The following CDC42BPA variants were observed in gnomAD, a reference collection of about 807,000 sequenced individuals.
CDC42BPA encodes CDC42 binding protein kinase alpha, also known as serine/threonine-protein kinase MRCK alpha.
A neutral mutation model predicts 223.5 loss-of-function variants in CDC42BPA; 80 were observed. The observed-to-expected ratio is 0.36, with a 90% CI of 0.30 to 0.43. CDC42BPA has a LOEUF of 0.43. Among genes scored for constraint, CDC42BPA ranks in the 20% least tolerant of loss-of-function variants. The pLI is 1.00. For synonymous variants in CDC42BPA, 694 were observed against 718.6 expected, an observed-to-expected ratio of 0.97 and a Z score of 0.55; for missense variants, 1,743 against 2,099.9, an observed-to-expected ratio of 0.83 and a Z score of 3.32.
intron 5 of CDC42BPA, among the ~76,000 whole-genome samples, chr1:227,174,847 C>T (rs1266560014): frequency 6.6e-6 from 1 of 152,148 alleles, no homozygotes; most frequent in Non-Finnish European, 1.5e-5. Context: ...CACGTATATT[C>T]CACTAAGTTT....
chr1:227,094,594 T>A (rs1251361771), intron 15 of CDC42BPA, among the ~76,000 whole-genome samples: 1 of 152,224 alleles, frequency 6.6e-6, no homozygotes, highest in Non-Finnish European at 1.5e-5. Flanking sequence ...ACAAACTCTT[T>A]AAACATATCC....
At chr1:227,189,490 A>C (rs1460769668) in intron 5 of CDC42BPA, among the ~76,000 whole-genome samples, 1 of 152,212 alleles carries the variant, frequency 6.6e-6, no homozygotes, top group Non-Finnish European at 1.5e-5. Flanking sequence ...ACTTTCATAT[A>C]CACATTTCAT....
At chr1:227,316,237 G>A (rs1694367697) in intron 1 of CDC42BPA, among the ~76,000 whole-genome samples, 1 of 152,152 alleles carries the variant, frequency 6.6e-6, no homozygotes, top group Non-Finnish European at 1.5e-5. Context: ...AAGAACTTGA[G>A]CCAAGCCTTC....
At chr1:227,184,359 T>C (rs985091492) in intron 5 of CDC42BPA, among the ~76,000 whole-genome samples, 4 of 151,910 alleles carry the variant, frequency 2.6e-5, no homozygotes, top group Admixed American at 6.6e-5. Flanking sequence ...TTAATTTTTG[T>C]ATTTATGAGA....
rs758159510 is a variant in CDC42BPA, at chr1:227,028,742, A to G, written c.4347T>C (p.Phe1449=). The change falls in exon 30 of 37, where the codon TTT becomes TTC. Residue 1449 remains phenylalanine (F), a synonymous_variant. Transcript: ENST00000366766. ...EISSKEYLLC[F]NSIGIYTDCQ... ...AGTCAGTGTATATCCCAATGCTGTT[A>G]AAACACAGCAGATATTCTTTACTGG... 2.5e-6 allele frequency: 4 copies of G among 1,613,896 alleles called. No homozygotes were observed. In the South Asian group the frequency reaches 4.4e-5, roughly 18 times the overall value.
chr1:227,000,093 TATAATAATAATA>T lies in CDC42BPA; in HGVS notation c.4975+4889_4975+4900del, dbSNP rs10605581. The stretch of plus-strand genomic sequence containing the variant: ...TACACATGTATCCCAGAACTTAAAG[TATAATAATAATA>T]ATAATAATAATAATAATAATAATAA... On this transcript the variant is annotated intron_variant, in intron 35 of 36. Transcript: ENST00000366766. Among the ~76,000 whole-genome samples, 1,036 of 130,662 alleles carry T rather than the reference TATAATAATAATA, an allele frequency of 7.9e-3. 16 individuals are homozygous for T. The highest frequency in any genetic ancestry group is 0.024 in the African/African-American group (908 of 37,456). 85.7% of individuals were successfully genotyped at this position (130,662 alleles called of 152,430 possible).
At chr1:227,283,575 G>GTA (rs1374787339) in intron 1 of CDC42BPA, among the ~76,000 whole-genome samples, 1 of 151,968 alleles carries the variant, frequency 6.6e-6, no homozygotes, top group African/African-American at 2.4e-5. Flanking sequence ...TAAACAAAGG[G>GTA]TACATATGGA....
chr1:227,118,251 G>C (rs926750219), intron 12 of CDC42BPA, among the ~76,000 whole-genome samples: 2 of 152,118 alleles, frequency 1.3e-5, no homozygotes, highest in Non-Finnish European at 1.5e-5. Context: ...GGACCTCAGT[G>C]GACATTTCTC....
At position 227,317,898 on chromosome 1, in the gene CDC42BPA, G is replaced by C; in HGVS notation, c.-716C>G. Reference sequence around the variant, plus strand: ...CTTTGCAGTCAGTCCTATTTTCAACGGATTCCGGTGAAAACTCTTCATTTT... The same window carrying C: ...CTTTGCAGTCAGTCCTATTTTCAACCGATTCCGGTGAAAACTCTTCATTTT... On this transcript the variant is annotated 5_prime_UTR_variant, in exon 1 of 37. Coordinates refer to ENST00000366766, the MANE Select transcript of CDC42BPA (RefSeq NM_001394014.1). 1 of 398,600 alleles carries C rather than the reference G, an allele frequency of 2.5e-6. No individual in the cohort carries two copies. Among genetic ancestry groups the C allele is most frequent in the Non-Finnish European group, 4.4e-6 (1 of 226,060 alleles). The allele number at this position is 398,600 out of a possible 1,614,324, so 24.7% of individuals were successfully genotyped here.
At chr1:227,032,091 T>C (rs1376198361) in intron 27 of CDC42BPA, among the ~76,000 whole-genome samples, 2 of 152,236 alleles carry the variant, frequency 1.3e-5, no homozygotes, top group African/African-American at 4.8e-5. Context: ...TCTCTGTTAC[T>C]TCACAACAAT....
At chr1:227,036,941 T>A (rs1039157373) in intron 24 of CDC42BPA, among the ~76,000 whole-genome samples, 1 of 152,140 alleles carries the variant, frequency 6.6e-6, no homozygotes, top group Non-Finnish European at 1.5e-5. Flanking sequence ...AACAGTCTCA[T>A]GAGTCCCCAT....
At chr1:227,253,214 G>C (rs1447142540) in intron 2 of CDC42BPA, among the ~76,000 whole-genome samples, 1 of 151,686 alleles carries the variant, frequency 6.6e-6, no homozygotes, top group Admixed American at 6.6e-5. Context: ...AGAAGAGAGA[G>C]GAGAGAGAGA....
At chr1:227,076,838 A>T (rs1285857448) in intron 17 of CDC42BPA, among the ~76,000 whole-genome samples, 1 of 152,080 alleles carries the variant, frequency 6.6e-6, no homozygotes, top group Non-Finnish European at 1.5e-5. Flanking sequence ...ATCCCCAAAC[A>T]TCCCATTTTC....
intron 35 of CDC42BPA, among the ~76,000 whole-genome samples, chr1:227,001,037 C>G (rs1201416938): frequency 6.6e-6 from 1 of 152,188 alleles, no homozygotes; most frequent in Admixed American, 6.5e-5. Context: ...TGAGCCCCTA[C>G]TGCTGACAGG....
At chr1:227,269,487 T>C (rs942286106) in intron 1 of CDC42BPA, among the ~76,000 whole-genome samples, 1 of 152,194 alleles carries the variant, frequency 6.6e-6, no homozygotes, top group African/African-American at 2.4e-5. Context: ...CAGAGCCTTA[T>C]AGCCAGAAGT....
intron 1 of CDC42BPA, among the ~76,000 whole-genome samples, chr1:227,265,766 T>C (rs1276179843): frequency 1.3e-5 from 2 of 152,190 alleles, no homozygotes; most frequent in Non-Finnish European, 2.9e-5. Flanking sequence ...TAATACATAA[T>C]TGTAAAAATA....
At chr1:227,261,118 G>GTTTTTTTTTTTT (rs1351313489) in intron 1 of CDC42BPA, among the ~76,000 whole-genome samples, 5 of 51,142 alleles carry the variant, frequency 9.8e-5, no homozygotes, top group Non-Finnish European at 2.1e-4. Flanking sequence ...GAATAATTGA[G>GTTTTTTTTTTTT]TTTTTCTTTT....
chr1:227,098,869 A>C (rs1684473820), intron 15 of CDC42BPA, among the ~76,000 whole-genome samples: 1 of 152,020 alleles, frequency 6.6e-6, no homozygotes, highest in Non-Finnish European at 1.5e-5. Flanking sequence ...TTTTCTGCTC[A>C]GAATTCTACA....
At chr1:227,270,006 T>C (rs899863765) in intron 1 of CDC42BPA, among the ~76,000 whole-genome samples, 11 of 152,130 alleles carry the variant, frequency 7.2e-5, no homozygotes, top group African/African-American at 2.2e-4. Flanking sequence ...TATGTTAGAA[T>C]GAAAAACTGG....
Sources: gnomAD v4.1 joint callset for allele counts (sites outside exome capture counted in the v4.1 genomes callset) on GRCh38, gnomAD v4.1.1 for gene constraint, MANE v1.5 for transcripts, NCBI Gene and HGNC (gene_info 2026-07-23, HGNC 2026-07-21) for gene names.